HEXB: variants seen among roughly 807,000 people sequenced by gnomAD.
HEXB encodes the protein hexosaminidase subunit beta, also known as beta-hexosaminidase subunit beta.
HEXB carries 51 observed loss-of-function variants against 71.2 expected under a neutral mutation model. That is an observed-to-expected ratio of 0.72 (90% CI 0.57 to 0.90). HEXB has a LOEUF of 0.90. Ranked by LOEUF, HEXB falls within the 40% of genes least tolerant of loss-of-function variation. The pLI, the probability that HEXB is intolerant of heterozygous loss-of-function variation, is 0.00. For synonymous variants in HEXB, 266 were observed against 249.3 expected (o/e 1.07, Z -0.63); for missense variants, 617 against 677.0 (o/e 0.91, Z 0.98).
At chr5:74,669,833 G>A (rs1463359944) in intron 1 of HEXB, among the ~76,000 whole-genome samples, 2 of 152,184 alleles carry the variant, frequency 1.3e-5, no homozygotes, top group Non-Finnish European at 2.9e-5. Flanking sequence ...GAACACTGGG[G>A]GAAATAAGTA....
intron 1 of HEXB, among the ~76,000 whole-genome samples, chr5:74,671,428 C>G (rs989975798): frequency 6.6e-6 from 1 of 151,718 alleles, no homozygotes; most frequent in African/African-American, 2.4e-5. Context: ...AAAAAAAAAG[C>G]CATATGGTAC....
At chr5:74,690,837 T>A (rs1748987301) in intron 2 of HEXB, among the ~76,000 whole-genome samples, 1 of 152,178 alleles carries the variant, frequency 6.6e-6, no homozygotes, top group Non-Finnish European at 1.5e-5. Context: ...GCTTTCTTTC[T>A]CTTCAATTCC....
At chr5:74,717,968 G>C (rs572656151) in intron 9 of HEXB, among the ~76,000 whole-genome samples, 1 of 152,178 alleles carries the variant, frequency 6.6e-6, no homozygotes, top group African/African-American at 2.4e-5. Flanking sequence ...CCATAAAATT[G>C]TAAGAGATTG....
At chr5:74,689,068 A>T (rs1748936314) in intron 1 of HEXB, among the ~76,000 whole-genome samples, 1 of 152,098 alleles carries the variant, frequency 6.6e-6, no homozygotes, top group African/African-American at 2.4e-5. Flanking sequence ...TTCATATGTC[A>T]CTTCAGAGTG....
chr5:74,720,820 AAAT>A, intron 13 of HEXB, 73 bp downstream of exon 13: 3 of 1,192,470 alleles, frequency 2.5e-6, no homozygotes, highest in Non-Finnish European at 3.7e-6. Flanking sequence ...CTATAAATAG[AAAT>A]GTATGTTACC....
At chr5:74,717,253 C>G (rs925003279) in intron 9 of HEXB, among the ~76,000 whole-genome samples, 1 of 152,106 alleles carries the variant, frequency 6.6e-6, no homozygotes, top group Non-Finnish European at 1.5e-5. Flanking sequence ...GAAGTCTTCA[C>G]TACCATCCAG....
chr5:74,685,457 C>T lies in HEXB; in HGVS notation c.197C>T (p.Thr66Ile), dbSNP rs753159338. 1.9e-6 allele frequency: 3 copies of T among 1,611,916 alleles called. No homozygotes were observed. In the South Asian group the frequency reaches 3.3e-5, roughly 18 times the overall value. The change falls in exon 1 of 14, where the codon ACC becomes ATC. Residue 66 changes from threonine to isoleucine, a missense_variant. Physicochemically the swap from Thr to Ile is moderately conservative, Grantham distance 89. Coordinates refer to ENST00000261416, the MANE Select transcript of HEXB (RefSeq NM_000521.4). Reference sequence around the variant, plus strand: ...CCCCTGCCGCTCTTGGTGAAGATGACCCCGAACCTGCTGCATCTCGCCCCG... The same window carrying T: ...CCCCTGCCGCTCTTGGTGAAGATGATCCCGAACCTGCTGCATCTCGCCCCG... The part of the protein sequence containing the change: ...LWPLPLLVKM[T>I]PNLLHLAPEN...
intron 1 of HEXB, among the ~76,000 whole-genome samples, chr5:74,664,582 C>T (rs1748400670): frequency 6.6e-6 from 1 of 150,554 alleles, no homozygotes; most frequent in East Asian, 1.9e-4. Flanking sequence ...TAAAAATGAA[C>T]TATAAAAAAA....
At chr5:74,675,978 G>GAGTATAA (rs1748623998) in intron 1 of HEXB, among the ~76,000 whole-genome samples, 1 of 152,198 alleles carries the variant, frequency 6.6e-6, no homozygotes, top group Non-Finnish European at 1.5e-5. Flanking sequence ...GACCTAGGTA[G>GAGTATAA]AGTATAAGAC....
rs536380247 is a variant in HEXB, at chr5:74,698,436, G to A, written c.669+1330G>A. On this transcript the variant is annotated intron_variant, in intron 5 of 13. Coordinates refer to ENST00000261416, the MANE Select transcript of HEXB (RefSeq NM_000521.4). The stretch of plus-strand genomic sequence containing the variant: ...TAGTTGAAGTCTTGCTCTGTCGCCA[G>A]GCTGGAGGGCAGTGGTGCAATCTTG... Among the ~76,000 whole-genome samples, 27 of 150,426 alleles carry A rather than the reference G, an allele frequency of 1.8e-4. No individual in the cohort carries two copies. In the East Asian group the frequency reaches 5.3e-3, roughly 30 times the overall value.
intron 5 of HEXB, among the ~76,000 whole-genome samples, chr5:74,700,001 C>CTTTTT (rs58177670): frequency 2.0e-4 from 8 of 40,334 alleles, no homozygotes; most frequent in Admixed American, 4.1e-4. Flanking sequence ...TGTAAGTTTC[C>CTTTTT]TTTTTTTTTT....
At chr5:74,715,385 C>A in intron 7 of HEXB, 125 bp from the exon 8 acceptor site, 1 of 698,114 alleles carries the variant, frequency 1.4e-6, no homozygotes, top group Non-Finnish European at 2.5e-6. Context: ...TCTTAGTAAA[C>A]ATGTTCATCT....
intron 7 of HEXB, 77 bp downstream of exon 7, chr5:74,713,712 G>A (rs997735416): frequency 4.1e-6 from 5 of 1,213,540 alleles, no homozygotes; most frequent in Non-Finnish European, 4.8e-6. Context: ...CACCCAGGCT[G>A]GAGTGCAGTA....
At chr5:74,681,167 T>C (rs1322049641), upstream of HEXB, among the ~76,000 whole-genome samples, 3 of 152,216 alleles carry the variant, frequency 2.0e-5, no homozygotes, top group African/African-American at 4.8e-5. Context: ...GATAATAATA[T>C]GTCTGGCACC....
In HEXB at chr5:74,715,525, T is replaced by G. The variant is rs1749648242; in HGVS notation, c.917T>G (p.Leu306Arg). The G allele has an allele frequency of 6.2e-7, 1 of 1,610,788 alleles. No individual in the cohort carries two copies. The highest frequency in any genetic ancestry group is 8.5e-7 in the Non-Finnish European group (1 of 1,177,136). ...TTTCTTCTAGGTCAGAAAGACCTCC[T>G]GACTCCATGTTACAGTAGACAAAAC... is the stretch of plus-strand genomic sequence containing the variant. ...LSWGKGQKDL[L>R]TPCYSRQNKL... Residue 306 changes from leucine (L) to arginine (R), a missense_variant, in exon 8 of 14, where the codon CTG becomes CGG. Physicochemically the swap from Leu to Arg is moderately radical, Grantham distance 102 (BLOSUM62 -2). Coordinates refer to ENST00000261416, the MANE Select transcript of HEXB (RefSeq NM_000521.4).
rs1250103812 is a variant in HEXB at position 74,720,692 on chromosome 5, A to G, written c.1558A>G (p.Arg520Gly). 2 of 1,614,200 alleles carry G rather than the reference A, an allele frequency of 1.2e-6. No individual in the cohort carries two copies. The highest frequency in any genetic ancestry group is 1.7e-6 in the Non-Finnish European group (2 of 1,180,018). Residue 520 changes from arginine (R) to glycine (G), a missense_variant, in exon 13 of 14, where the codon AGA becomes GGA. By Grantham distance (125) the Arg-to-Gly change is moderately radical. Coordinates refer to ENST00000261416, the MANE Select transcript of HEXB (RefSeq NM_000521.4). ...GERLWSSKDV[R>G]DMDDAYDRLT... Reference sequence around the variant, plus strand: ...GAGACTCTGGAGTTCCAAAGATGTCAGAGATATGGATGACGCCTATGACAG... The same window carrying G: ...GAGACTCTGGAGTTCCAAAGATGTCGGAGATATGGATGACGCCTATGACAG...
At chr5:74,657,307 G>C (rs1204110273) in intron 1 of HEXB, among the ~76,000 whole-genome samples, 1 of 152,102 alleles carries the variant, frequency 6.6e-6, no homozygotes, top group Non-Finnish European at 1.5e-5. Context: ...CCACTCTCCA[G>C]CCTCAGGACA....
chr5:74,655,313 T>C (rs1748197135), intron 1 of HEXB, among the ~76,000 whole-genome samples: 1 of 7,752 alleles, frequency 1.3e-4, no homozygotes, highest in African/African-American at 4.8e-4. Flanking sequence ...AGCATTAAAC[T>C]TTTTTTTTTT....
chr5:74,648,560 G>C (rs1748043412), intron 1 of HEXB, among the ~76,000 whole-genome samples: 1 of 151,308 alleles, frequency 6.6e-6, no homozygotes, highest in African/African-American at 2.4e-5. Context: ...TGTCTTAATA[G>C]TGGGAGGAAA....
Sources: allele counts gnomAD v4.1 joint callset (sites outside exome capture counted in the v4.1 genomes callset), GRCh38; gene constraint gnomAD v4.1.1; transcripts MANE v1.5; gene names NCBI Gene and HGNC (gene_info 2026-07-23, HGNC 2026-07-21).